MYT1L: variants seen among roughly 807,000 people sequenced by gnomAD.
MYT1L encodes myelin transcription factor 1 like.
Under a neutral mutation model 126.7 loss-of-function variants are expected in MYT1L, and 12 were observed. The ratio of observed to expected loss-of-function variants is 0.09; its 90% CI spans 0.06 to 0.15. The LOEUF is 0.15. MYT1L is among the 10% of genes least tolerant of loss of function. The pLI is 1.00. For synonymous variants in MYT1L, 541 were observed against 604.2 expected, an observed-to-expected ratio of 0.90 and a Z score of 1.53; for missense variants, 979 against 1,585.2, an observed-to-expected ratio of 0.62 and a Z score of 6.49.
Position 1,840,555 on chromosome 2 carries a change from G to C in MYT1L, c.2858+205C>G, listed in dbSNP as rs115314416. 6.6e-3 allele frequency among the ~76,000 whole-genome samples: 1,002 copies of C among 152,210 alleles called. 7 individuals carry two copies. The highest frequency in any genetic ancestry group is 0.023 in the African/African-American group (956 of 41,534). On this transcript the variant is annotated intron_variant, in intron 20 of 24. Coordinates refer to ENST00000647738, the MANE Select transcript of MYT1L (RefSeq NM_001303052.2). ...ATTGATGGATATCAGCTTATTGCTG[G>C]ACAGCCCATGTAACTTTTCAGCCAA...
chr2:2,026,702 A>G (rs559205287), intron 4 of MYT1L, among the ~76,000 whole-genome samples: 46 of 152,114 alleles, frequency 3.0e-4, no homozygotes, highest in African/African-American at 1.1e-3. Flanking sequence ...GAGGCCCGGG[A>G]GGTACAGGGA....
At chr2:2,057,641 C>G (rs1354241310) in intron 3 of MYT1L, among the ~76,000 whole-genome samples, 1 of 152,218 alleles carries the variant, frequency 6.6e-6, no homozygotes, top group Non-Finnish European at 1.5e-5. Context: ...CTGGCAACCA[C>G]TCATCAGTGT....
At chr2:2,270,151 C>T (rs2095233609) in intron 2 of MYT1L, among the ~76,000 whole-genome samples, 1 of 152,172 alleles carries the variant, frequency 6.6e-6, no homozygotes, top group African/African-American at 2.4e-5. Flanking sequence ...GGGATGTGGC[C>T]AGAAGAGACT....
At chr2:1,932,949 A>G (rs1284221060) in intron 9 of MYT1L, among the ~76,000 whole-genome samples, 1 of 152,156 alleles carries the variant, frequency 6.6e-6, no homozygotes, top group African/African-American at 2.4e-5. Context: ...CCACATGCAC[A>G]GTCTAAAGGA....
chr2:2,158,647 ACGCGTAGGTGGACACGGGTG>A (rs2087181885), intron 3 of MYT1L, among the ~76,000 whole-genome samples: 1 of 149,072 alleles, frequency 6.7e-6, no homozygotes, highest in Non-Finnish European at 1.5e-5. Context: ...ACACACACAC[ACGCGTAGGTGGACACGGGTG>A]CACACACTGC....
At chr2:2,136,781 G>C (rs987322882) in intron 3 of MYT1L, among the ~76,000 whole-genome samples, 3 of 152,136 alleles carry the variant, frequency 2.0e-5, no homozygotes, top group Non-Finnish European at 2.9e-5. Context: ...ACTGGCACAA[G>C]ACAGGGATGC....
intron 4 of MYT1L, among the ~76,000 whole-genome samples, chr2:2,018,277 A>C (rs2064647145): frequency 6.6e-6 from 1 of 152,148 alleles, no homozygotes; most frequent in Non-Finnish European, 1.5e-5. Context: ...TCAGACACTA[A>C]CTCAGGTCAT....
chr2:1,800,998 G>A (rs780301039), intron 23 of MYT1L, among the ~76,000 whole-genome samples: 25 of 152,162 alleles, frequency 1.6e-4, no homozygotes, highest in Non-Finnish European at 1.3e-4. Context: ...AGTGTACTTC[G>A]GCGGGACCCT....
At chr2:2,206,687 A>G (rs1361182874) in intron 2 of MYT1L, among the ~76,000 whole-genome samples, 2 of 152,236 alleles carry the variant, frequency 1.3e-5, no homozygotes, top group East Asian at 3.8e-4. Flanking sequence ...GTTAGATGCT[A>G]CATTGCCACT....
intron 18 of MYT1L, 45 bp from the exon 19 acceptor site, chr2:1,851,748 G>C: frequency 6.4e-7 from 1 of 1,565,370 alleles, no homozygotes; most frequent in Non-Finnish European, 8.8e-7. Flanking sequence ...AAGAAATAAA[G>C]TTCCCTGAAC....
At chr2:1,890,415 AAAG>A (rs1284155378) in intron 15 of MYT1L, among the ~76,000 whole-genome samples, 2 of 152,150 alleles carry the variant, frequency 1.3e-5, no homozygotes, top group East Asian at 3.9e-4. Flanking sequence ...CCACTTTACG[AAAG>A]AAGATCTGCA....
intron 2 of MYT1L, among the ~76,000 whole-genome samples, chr2:2,179,762 T>C (rs528880208): frequency 3.3e-5 from 5 of 152,286 alleles, no homozygotes; most frequent in Admixed American, 1.3e-4. Flanking sequence ...TCCTAAGACT[T>C]ACCACCACCT....
rs1158022685 is a variant in MYT1L, at chr2:1,910,953, T to C, written c.1710-606A>G. ...TAGACGGAGGAGACAGCAGCTGGGC[T>C]CTTTTGTGTGCAAGCTCACTTTATG... is the stretch of plus-strand genomic sequence containing the variant. On this transcript the variant is annotated intron_variant, in intron 12 of 24. Coordinates refer to ENST00000647738, the MANE Select transcript of MYT1L (RefSeq NM_001303052.2). This position sits in a 1 kb window ranked among gnomAD's most constrained non-coding sequence, Gnocchi z 4.8. 6.6e-6 allele frequency among the ~76,000 whole-genome samples: 1 copy of C among 152,206 alleles called. No homozygotes were observed. Among genetic ancestry groups the C allele is most frequent in the Non-Finnish European group, 1.5e-5 (1 of 68,042 alleles).
At chr2:2,250,844 A>G (rs2094628617) in intron 2 of MYT1L, among the ~76,000 whole-genome samples, 1 of 152,176 alleles carries the variant, frequency 6.6e-6, no homozygotes, top group Non-Finnish European at 1.5e-5. Context: ...TTCAGCCAGC[A>G]TAATTTATCC....
intron 8 of MYT1L, among the ~76,000 whole-genome samples, chr2:1,950,524 GACAGAGACACAGAC>G (rs975701369): frequency 6.6e-6 from 1 of 151,346 alleles, no homozygotes; most frequent in Non-Finnish European, 1.5e-5. Context: ...GTGAGACTGA[GACAGAGACACAGAC>G]ACAGAGACAC....
chr2:2,249,124 G>T (rs1006441484), intron 2 of MYT1L, among the ~76,000 whole-genome samples: 8 of 151,786 alleles, frequency 5.3e-5, no homozygotes, highest in Admixed American at 1.3e-4. Flanking sequence ...AAAAACTAAA[G>T]ATTACACCAA....
At chr2:1,911,288 AAC>A (rs1251290162) in intron 12 of MYT1L, among the ~76,000 whole-genome samples, 1 of 152,346 alleles carries the variant, frequency 6.6e-6, no homozygotes, top group African/African-American at 2.4e-5. Context: ...TGAAGCTTGT[AAC>A]AGTTTCCTTC....
intron 18 of MYT1L, chr2:1,885,295 T>C (rs781132327): frequency 1.3e-5 from 2 of 152,744 alleles, no homozygotes; most frequent in Admixed American, 6.5e-5. Flanking sequence ...GCTGTCCGTT[T>C]TGAGATCCTA....
intron 5 of MYT1L, among the ~76,000 whole-genome samples, chr2:1,992,080 G>A (rs1305279749): frequency 6.6e-6 from 1 of 151,984 alleles, no homozygotes; most frequent in African/African-American, 2.4e-5. Flanking sequence ...AATTCCTATC[G>A]CACAGTTAGG....
Sources: allele counts gnomAD v4.1 joint callset (sites outside exome capture counted in the v4.1 genomes callset), GRCh38; gene constraint gnomAD v4.1.1; non-coding constraint Gnocchi (gnomAD v3.1); transcripts MANE v1.5; gene names NCBI Gene and HGNC (gene_info 2026-07-23, HGNC 2026-07-21).